The following TRERF1 variants were observed in gnomAD, a reference collection of about 807,000 sequenced individuals.
The protein encoded by TRERF1 is transcriptional regulating factor 1.
Under a neutral mutation model 122.9 loss-of-function variants are expected in TRERF1, and 27 were observed. The observed-to-expected ratio is 0.22, with a 90% CI of 0.16 to 0.30. TRERF1 has a LOEUF of 0.30. TRERF1 is among the 10% of genes least tolerant of loss of function. The pLI, the probability that TRERF1 is intolerant of heterozygous loss-of-function variation, is 1.00. For missense variants in TRERF1, 1,248 were observed against 1,560.3 expected (o/e 0.80, Z 3.37); for synonymous variants, 636 against 641.7 (o/e 0.99, Z 0.13).
intron 2 of TRERF1, among the ~76,000 whole-genome samples, chr6:42,380,043 A>G (rs1217007707): frequency 1.3e-5 from 2 of 152,230 alleles, no homozygotes; most frequent in African/African-American, 4.8e-5. Context: ...CATTTTATCT[A>G]CGACGGTTGG....
At chr6:42,270,178 C>T (rs958448118) in intron 4 of TRERF1, among the ~76,000 whole-genome samples, 5 of 152,034 alleles carry the variant, frequency 3.3e-5, no homozygotes, top group Non-Finnish European at 7.4e-5. Flanking sequence ...AGCATAAAAC[C>T]GCACCTCTCT....
At position 42,291,564 on chromosome 6, in the gene TRERF1, C is replaced by T. The variant is rs536769407; in HGVS notation, c.-259+9074G>A. Among the ~76,000 whole-genome samples, 47 of 151,732 alleles carry T rather than the reference C, an allele frequency of 3.1e-4. 1 individual carries two copies. In the South Asian group the frequency reaches 9.2e-3, roughly 30 times the overall value. On this transcript the variant is annotated intron_variant, in intron 4 of 17. Coordinates refer to ENST00000372922, the Ensembl canonical transcript of TRERF1. ...TTTGTTTGTTTTTGAGATGGAGTTTCGCTCTGTCACCCAGGCTGGAGTGCA... is the reference window on the plus strand; with the variant it reads ...TTTGTTTGTTTTTGAGATGGAGTTTTGCTCTGTCACCCAGGCTGGAGTGCA...
chr6:42,251,310 T>G (rs1383661864), intron 13 of TRERF1, among the ~76,000 whole-genome samples: 1 of 152,186 alleles, frequency 6.6e-6, no homozygotes, highest in Non-Finnish European at 1.5e-5. Flanking sequence ...TGATGATGTT[T>G]TGAAGTTACA....
At chr6:42,353,597 AAAAC>A (rs756435670) in intron 3 of TRERF1, among the ~76,000 whole-genome samples, 10 of 152,188 alleles carry the variant, frequency 6.6e-5, no homozygotes, top group Non-Finnish European at 1.5e-4. Flanking sequence ...TCAAAAAACA[AAAAC>A]AAACAAACGA....
intron 13 of TRERF1, among the ~76,000 whole-genome samples, chr6:42,251,863 T>C (rs531279228): frequency 2.0e-5 from 3 of 152,300 alleles, no homozygotes; most frequent in Middle Eastern, 3.4e-3. Flanking sequence ...AGCTGAACAC[T>C]TGCCAAGAAG....
chr6:42,242,770 A>AG (rs1279261248), intron 15 of TRERF1, among the ~76,000 whole-genome samples: 33 of 152,216 alleles, frequency 2.2e-4, no homozygotes, highest in African/African-American at 8.0e-4. Flanking sequence ...TTAATGATGG[A>AG]GGGTTCCTGG....
intron 2 of TRERF1, among the ~76,000 whole-genome samples, chr6:42,384,326 G>A (rs1294569301): frequency 6.6e-6 from 1 of 151,900 alleles, no homozygotes; most frequent in Non-Finnish European, 1.5e-5. Flanking sequence ...TAAGAATGAG[G>A]GCATCCTCTA....
At chr6:42,261,062 G>A (rs1226855457) in intron 8 of TRERF1, among the ~76,000 whole-genome samples, 1 of 151,952 alleles carries the variant, frequency 6.6e-6, no homozygotes, top group Non-Finnish European at 1.5e-5. Context: ...ACCCCCAGGG[G>A]ACCCTCCTTA....
At chr6:42,308,913 T>C (rs1274100408) in intron 3 of TRERF1, among the ~76,000 whole-genome samples, 1 of 152,026 alleles carries the variant, frequency 6.6e-6, no homozygotes, top group African/African-American at 2.4e-5. Context: ...TAACAAACCT[T>C]CACATGCATC....
intron 2 of TRERF1, among the ~76,000 whole-genome samples, chr6:42,423,481 GC>G (rs1336769022): frequency 1.3e-5 from 2 of 151,946 alleles, no homozygotes; most frequent in Non-Finnish European, 2.9e-5. Flanking sequence ...GGTGAAAGCA[GC>G]CCCGAGACAA....
chr6:42,392,421 C>T (rs1777900819), intron 2 of TRERF1, among the ~76,000 whole-genome samples: 1 of 152,020 alleles, frequency 6.6e-6, no homozygotes, highest in African/African-American at 2.4e-5. Flanking sequence ...CACAGCAAAC[C>T]AACGATAAAC....
chr6:42,313,385 T>C (rs555893074), intron 3 of TRERF1, among the ~76,000 whole-genome samples: 3 of 152,304 alleles, frequency 2.0e-5, no homozygotes, highest in South Asian at 4.1e-4. Flanking sequence ...GTTTTCTTCA[T>C]ATGACAAGCA....
intron 2 of TRERF1, among the ~76,000 whole-genome samples, chr6:42,425,454 G>C (rs1183299160): frequency 6.8e-6 from 1 of 147,412 alleles, no homozygotes; most frequent in African/African-American, 2.5e-5. Flanking sequence ...CCCAGAGTCA[G>C]AGTCAAATCA....
chr6:42,406,126 G>C (rs1355443340), intron 2 of TRERF1, among the ~76,000 whole-genome samples: 1 of 152,202 alleles, frequency 6.6e-6, no homozygotes, highest in African/African-American at 2.4e-5. Flanking sequence ...TTTACAGAGG[G>C]AGAAACTGAG....
At chr6:42,271,432 GA>G (rs1213225963) in intron 4 of TRERF1, among the ~76,000 whole-genome samples, 1 of 152,082 alleles carries the variant, frequency 6.6e-6, no homozygotes, top group East Asian at 1.9e-4. Flanking sequence ...TAATGAAATT[GA>G]AAATATAGCT....
intron 2 of TRERF1, among the ~76,000 whole-genome samples, chr6:42,430,274 G>C (rs1784292797): frequency 6.6e-6 from 1 of 151,924 alleles, no homozygotes; most frequent in African/African-American, 2.4e-5. Flanking sequence ...AATAAATATG[G>C]CTCAAAGCCC....
Position 42,430,952 on chromosome 6 carries a change from C to T in TRERF1, c.-454+20225G>A, listed in dbSNP as rs191304887. ...GGCAGGCAACTGAATCCCAGCTACT[C>T]GGGAGGCTGAGGCAGGAGAATGGCT... On this transcript the variant is annotated intron_variant, in intron 2 of 17. Transcript: ENST00000372922. Among the ~76,000 whole-genome samples, 231 of 146,046 alleles carry T rather than the reference C, an allele frequency of 1.6e-3. 1 individual carries two copies. The highest frequency in any genetic ancestry group is 5.7e-3 in the African/African-American group (223 of 39,102).
intron 3 of TRERF1, among the ~76,000 whole-genome samples, chr6:42,325,529 A>G (rs1372741922): frequency 1.3e-5 from 2 of 152,254 alleles, no homozygotes; most frequent in Non-Finnish European, 2.9e-5. Flanking sequence ...AGTGGACTGC[A>G]TAAAGAAAAT....
intron 2 of TRERF1, among the ~76,000 whole-genome samples, chr6:42,432,030 G>T (rs111835257): frequency 1.3e-5 from 2 of 152,254 alleles, no homozygotes; most frequent in Non-Finnish European, 2.9e-5. Context: ...CAGGCTCTAG[G>T]GTCAGAATGC....
Sources: allele counts gnomAD v4.1 joint callset (sites outside exome capture counted in the v4.1 genomes callset), GRCh38; gene constraint gnomAD v4.1.1; transcripts MANE v1.5; gene names NCBI Gene and HGNC (gene_info 2026-07-23, HGNC 2026-07-21).